Variants in DGKG observed in about 807,000 individuals in gnomAD.
DGKG encodes the protein diacylglycerol kinase gamma.
DGKG carries 78 observed loss-of-function variants against 105.3 expected under a neutral mutation model. The ratio of observed to expected loss-of-function variants is 0.74; its 90% CI spans 0.62 to 0.89. DGKG has a LOEUF of 0.89. Ranked by LOEUF, DGKG falls within the 40% of genes least tolerant of loss-of-function variation. The pLI is 0.00. For missense variants in DGKG, 958 were observed against 1,020.1 expected, an observed-to-expected ratio of 0.94 and a Z score of 0.83; for synonymous variants, 346 against 367.1, an observed-to-expected ratio of 0.94 and a Z score of 0.66.
intron 16 of DGKG, among the ~76,000 whole-genome samples, chr3:186,259,040 C>G (rs1203443075): frequency 6.6e-6 from 1 of 152,116 alleles, no homozygotes; most frequent in African/African-American, 2.4e-5. Context: ...CTGGAGCTTT[C>G]AGAATCACTG....
chr3:186,321,854 G>A lies in DGKG; in HGVS notation c.-248-1147C>T, dbSNP rs151290567. On this transcript the variant is annotated intron_variant, in intron 1 of 24. Coordinates refer to ENST00000265022, the MANE Select transcript of DGKG (RefSeq NM_001346.3). ...CAGAATGCATGGCAAGGAAATGAGA[G>A]ACCCACATTCCTGGGGACATTAAGT... Among the ~76,000 whole-genome samples the A allele has an allele frequency of 2.7e-4, 41 of 152,302 alleles. No homozygotes were observed. In the East Asian group the frequency reaches 7.9e-3, roughly 29 times the overall value.
intron 9 of DGKG, among the ~76,000 whole-genome samples, chr3:186,276,299 G>A (rs534039542): frequency 3.9e-5 from 6 of 152,144 alleles, no homozygotes; most frequent in South Asian, 4.1e-4. Context: ...AATGTTAAGC[G>A]AAAAAACAGA....
intron 9 of DGKG, among the ~76,000 whole-genome samples, chr3:186,277,946 A>G (rs1346896032): frequency 6.6e-6 from 1 of 152,216 alleles, no homozygotes; most frequent in Non-Finnish European, 1.5e-5. Flanking sequence ...AACCCCAAAT[A>G]GTAAGTGTTA....
chr3:186,270,241 C>A lies in DGKG; in HGVS notation c.1000-1324G>T, dbSNP rs146664159. 4.6e-3 allele frequency among the ~76,000 whole-genome samples: 695 copies of A among 152,256 alleles called. 12 individuals are homozygous for A. The highest frequency in any genetic ancestry group is 0.015 in the African/African-American group (637 of 41,550). ...TCCAGGTTCAAGCAATCCTCCCAGC[C>A]CAGCCACCCAAGTAGCTGGGACTAC... On this transcript the variant is annotated intron_variant, in intron 11 of 24. Coordinates refer to ENST00000265022, the MANE Select transcript of DGKG (RefSeq NM_001346.3).
chr3:186,266,163 C>T (rs1722046527), intron 13 of DGKG, among the ~76,000 whole-genome samples: 1 of 152,050 alleles, frequency 6.6e-6, no homozygotes, highest in Admixed American at 6.5e-5. Context: ...CAAGCATAAC[C>T]CTGTTGTGAC....
chr3:186,337,079 T>C (rs1002675766), intron 1 of DGKG, among the ~76,000 whole-genome samples: 4 of 152,272 alleles, frequency 2.6e-5, no homozygotes, highest in African/African-American at 9.6e-5. Flanking sequence ...ATTCTTCTCT[T>C]ACATAAACCA....
At chr3:186,339,965 C>T (rs1354201530) in intron 1 of DGKG, among the ~76,000 whole-genome samples, 3 of 152,190 alleles carry the variant, frequency 2.0e-5, no homozygotes, top group African/African-American at 4.8e-5. Context: ...TCACCTTACA[C>T]AGTAGGATTA....
At chr3:186,242,828 C>T (rs1259757440) in intron 19 of DGKG, among the ~76,000 whole-genome samples, 14 of 152,152 alleles carry the variant, frequency 9.2e-5, no homozygotes, top group South Asian at 4.1e-4. Context: ...AGCCCGGACC[C>T]GCTGAGAACA....
chr3:186,276,382 C>T (rs1393811129), intron 9 of DGKG, among the ~76,000 whole-genome samples: 1 of 152,140 alleles, frequency 6.6e-6, no homozygotes, highest in African/African-American at 2.4e-5. Context: ...TTTCATTAAC[C>T]TGTTAACAGA....
Position 186,347,611 on chromosome 3 carries a change from C to T in DGKG, c.-249+14335G>A, listed in dbSNP as rs569877258. Among the ~76,000 whole-genome samples, 7 of 151,634 alleles carry T rather than the reference C, an allele frequency of 4.6e-5. No individual in the cohort carries two copies. The South Asian group carries it at 1.5e-3, about 32-fold the overall frequency. On this transcript the variant is annotated intron_variant, in intron 1 of 24. Transcript: ENST00000265022. ...TTCTTTTCTTTTTTTGAGGCAGAGTCTCACCGTGTTGCTCAAGCTGGAAGT... is the reference window on the plus strand; with the variant it reads ...TTCTTTTCTTTTTTTGAGGCAGAGTTTCACCGTGTTGCTCAAGCTGGAAGT...
At chr3:186,275,427 T>C in intron 10 of DGKG, 120 bp downstream of exon 10, 1 of 849,684 alleles carries the variant, frequency 1.2e-6, no homozygotes, top group Middle Eastern at 2.4e-4. Flanking sequence ...GTTGGGACAA[T>C]ATGGGTGGTC....
At chr3:186,289,190 C>A (rs1465525459) in intron 5 of DGKG, among the ~76,000 whole-genome samples, 1 of 152,196 alleles carries the variant, frequency 6.6e-6, no homozygotes, top group African/African-American at 2.4e-5. Context: ...AGGTAAATGT[C>A]ATTTGGCCTA....
intron 21 of DGKG, among the ~76,000 whole-genome samples, chr3:186,202,284 T>G (rs1196756645): frequency 2.6e-5 from 4 of 152,250 alleles, no homozygotes; most frequent in Non-Finnish European, 5.9e-5. Flanking sequence ...TTCTATGACC[T>G]TCTTTAAAGA....
Position 186,251,663 on chromosome 3 carries a change from A to T in DGKG, c.1761+96T>A, listed in dbSNP as rs181051544. 1.6e-4 allele frequency: 233 copies of T among 1,439,102 alleles called. 1 individual carries two copies. In the African/African-American group the frequency reaches 3.1e-3, roughly 19 times the overall value. The allele number at this position is 1,439,102 out of a possible 1,614,324, so 89.1% of individuals were successfully genotyped here. On this transcript the variant is annotated intron_variant, in intron 19 of 24. Coordinates refer to ENST00000265022, the MANE Select transcript of DGKG (RefSeq NM_001346.3). Reference sequence around the variant, plus strand: ...TCAGGGCTGGGGGGGCAGGTAAGACAGGTAGACACTAGGGACCCAGAGGGG... The same window carrying T: ...TCAGGGCTGGGGGGGCAGGTAAGACTGGTAGACACTAGGGACCCAGAGGGG...
chr3:186,206,720 TG>T (rs1718758444), intron 21 of DGKG, among the ~76,000 whole-genome samples: 1 of 151,448 alleles, frequency 6.6e-6, no homozygotes, highest in Non-Finnish European at 1.5e-5. Context: ...AGGGTGAGGG[TG>T]GGGGTGTGGG....
chr3:186,174,888 G>T lies in DGKG; in HGVS notation c.2096-9870C>A, dbSNP rs144364649. On this transcript the variant is annotated intron_variant, in intron 22 of 24. Coordinates refer to ENST00000265022, the MANE Select transcript of DGKG (RefSeq NM_001346.3). ...TCTGCTACTCTCAGGGCTCTGTAAA[G>T]CCCCATCAAAGCATGTAAGTGGCCA... Among the ~76,000 whole-genome samples, 476 of 152,272 alleles carry T rather than the reference G, an allele frequency of 3.1e-3. 2 individuals are homozygous for T. Among genetic ancestry groups the T allele is most frequent in the African/African-American group, 0.011 (451 of 41,540 alleles).
At chr3:186,294,555 A>AT (rs1254361923) in intron 5 of DGKG, among the ~76,000 whole-genome samples, 6 of 150,750 alleles carry the variant, frequency 4.0e-5, no homozygotes, top group Non-Finnish European at 7.4e-5. Context: ...AAAAAAAAAA[A>AT]AGTCTCTAGG....
intron 22 of DGKG, among the ~76,000 whole-genome samples, chr3:186,172,564 G>A (rs539476108): frequency 6.6e-6 from 1 of 152,372 alleles, no homozygotes; most frequent in South Asian, 2.1e-4. Flanking sequence ...GATGTTAGGT[G>A]CTATTGTTTG....
In DGKG at chr3:186,333,856, G is replaced by A. The variant is rs114016497; in HGVS notation, c.-248-13149C>T. ...GTGGTGATAGCGGCGTGGTATGTAC[G>A]TGTGTGTGTGTTTTAACAGTAACCG... On this transcript the variant is annotated intron_variant, in intron 1 of 24. Coordinates refer to ENST00000265022, the MANE Select transcript of DGKG (RefSeq NM_001346.3). 7.2e-3 allele frequency among the ~76,000 whole-genome samples: 1,090 copies of A among 152,088 alleles called. 13 individuals are homozygous for A. The highest frequency in any genetic ancestry group is 0.025 in the African/African-American group (1,024 of 41,490).
Sources: gnomAD v4.1 joint callset for allele counts (sites outside exome capture counted in the v4.1 genomes callset) on GRCh38, gnomAD v4.1.1 for gene constraint, MANE v1.5 for transcripts, NCBI Gene and HGNC (gene_info 2026-07-23, HGNC 2026-07-21) for gene names.